AOPEP: variants seen among roughly 807,000 people sequenced by gnomAD.
AOPEP encodes aminopeptidase O.
Under a neutral mutation model 98.1 loss-of-function variants are expected in AOPEP, and 77 were observed. The observed-to-expected ratio is 0.78, with a 90% CI of 0.65 to 0.95. The LOEUF is 0.95. AOPEP is among the 40% of genes least tolerant of loss of function. The pLI, the probability that AOPEP is intolerant of heterozygous loss-of-function variation, is 0.00. For missense variants in AOPEP, 1,024 were observed against 1,024.7 expected (o/e 1.00, Z 0.01); for synonymous variants, 346 against 365.3 (o/e 0.95, Z 0.60).
chr9:95,145,624 C>T, the AOPEP span: 2 of 152,102 alleles, frequency 1.3e-5, no homozygotes, highest in African/African-American at 4.8e-5. Flanking sequence ...GGGAATGATC[C>T]TTATTTTGTA....
Position 94,923,978 on chromosome 9 carries a change from A to T in AOPEP, c.1365-8A>T. ...GACTCTGTGCATTTTCTCCCCCATTATCCACAGCCCACACATCATGTTCCT... is the reference window on the plus strand; with the variant it reads ...GACTCTGTGCATTTTCTCCCCCATTTTCCACAGCCCACACATCATGTTCCT... On this transcript the variant is annotated splice_region_variant and splice_polypyrimidine_tract_variant and intron_variant, in intron 5 of 16. Transcript: ENST00000375315. The T allele has an allele frequency of 7.2e-7, 1 of 1,396,784 alleles. No individual in the cohort carries two copies. The highest frequency in any genetic ancestry group is 2.9e-5 in the East Asian group (1 of 34,642). 86.5% of individuals were successfully genotyped at this position (1,396,784 alleles called of 1,614,324 possible).
chr9:94,817,414 C>T (rs372479357), intron 5 of AOPEP, among the ~76,000 whole-genome samples: 10 of 152,184 alleles, frequency 6.6e-5, no homozygotes, highest in Non-Finnish European at 1.2e-4. Flanking sequence ...CCAGTATTTA[C>T]GAAATGCTGC....
At chr9:94,908,090 C>T (rs184461734) in intron 5 of AOPEP, among the ~76,000 whole-genome samples, 42 of 152,306 alleles carry the variant, frequency 2.8e-4, no homozygotes, top group Admixed American at 2.5e-3. Context: ...GGTTGCTTAA[C>T]AGAGCAGAAG....
chr9:94,776,468 A>C, intron 3 of AOPEP, among the ~76,000 whole-genome samples: 1 of 152,100 alleles, frequency 6.6e-6, no homozygotes, highest in Non-Finnish European at 1.5e-5. Flanking sequence ...TGCCTGGCTA[A>C]TGTTTTGTAT....
intron 5 of AOPEP, among the ~76,000 whole-genome samples, chr9:94,803,031 C>T (rs145713225): frequency 9.9e-5 from 15 of 152,116 alleles, no homozygotes; most frequent in Middle Eastern, 3.4e-3. Context: ...TATTTATGGT[C>T]GAGACTTTGC....
intron 7 of AOPEP, among the ~76,000 whole-genome samples, chr9:94,946,501 C>T (rs1466671012): frequency 1.3e-5 from 2 of 152,128 alleles, no homozygotes; most frequent in African/African-American, 4.8e-5. Context: ...ATCCAGGTCT[C>T]ATTGCACTAA....
intron 5 of AOPEP, among the ~76,000 whole-genome samples, chr9:94,826,637 A>T (rs747488819): frequency 1.4e-4 from 22 of 152,212 alleles, no homozygotes; most frequent in Admixed American, 7.2e-4. Flanking sequence ...CATGCTAGAC[A>T]GATTTACCTT....
At chr9:95,108,655 T>C in the AOPEP span, among the ~76,000 whole-genome samples, 1 of 152,208 alleles carries the variant, frequency 6.6e-6, no homozygotes. Context: ...TTTTTTATCC[T>C]GCATTATAAA....
At chr9:94,867,851 G>A (rs895728809) in intron 5 of AOPEP, among the ~76,000 whole-genome samples, 1 of 152,204 alleles carries the variant, frequency 6.6e-6, no homozygotes, top group Non-Finnish European at 1.5e-5. Flanking sequence ...TCCCTGTAAC[G>A]AGGTAATTTA....
At chr9:95,005,947 C>G in intron 13 of AOPEP, 1 of 494,350 alleles carries the variant, frequency 2.0e-6, no homozygotes, top group Non-Finnish European at 4.0e-6. Context: ...AAAAGTGTTC[C>G]GAATAAATCG....
chr9:94,892,360 G>A (rs1359903890), intron 5 of AOPEP, among the ~76,000 whole-genome samples: 9 of 152,026 alleles, frequency 5.9e-5, no homozygotes, highest in Non-Finnish European at 1.2e-4. Flanking sequence ...TTTTCTCACT[G>A]TTGTTCAAAT....
At chr9:94,841,215 A>C (rs1437221804) in intron 5 of AOPEP, among the ~76,000 whole-genome samples, 1 of 139,644 alleles carries the variant, frequency 7.2e-6, no homozygotes, top group Non-Finnish European at 1.5e-5. Flanking sequence ...TCTGTCGCCC[A>C]GGCTAGATTG....
chr9:95,098,705 T>G, the AOPEP span, among the ~76,000 whole-genome samples: 1 of 152,222 alleles, frequency 6.6e-6, no homozygotes, highest in African/African-American at 2.4e-5. Flanking sequence ...GGGTGGGCTA[T>G]GCTGGTGGGA....
chr9:94,907,738 C>T (rs1171264724), intron 5 of AOPEP, among the ~76,000 whole-genome samples: 3 of 152,104 alleles, frequency 2.0e-5, no homozygotes, highest in South Asian at 4.1e-4. Context: ...GACTAGAATT[C>T]GAGGCATGTC....
chr9:94,787,807 T>C (rs1844765916), intron 3 of AOPEP, among the ~76,000 whole-genome samples: 2 of 152,174 alleles, frequency 1.3e-5, no homozygotes, highest in Admixed American at 1.3e-4. Flanking sequence ...CAAGCAGCAG[T>C]CCTTTGTAAT....
Position 94,760,405 on chromosome 9 carries a change from C to G in AOPEP, c.622C>G (p.Arg208Gly), listed in dbSNP as rs762960838. Residue 208 changes from arginine to glycine, a missense_variant, in exon 2 of 17, where the codon CGC becomes GGC. By Grantham distance (125) the Arg-to-Gly change is moderately radical (BLOSUM62 -2). Around this residue, in one of 3 missense-constraint regions of AOPEP, gnomAD observed 440 missense variants for 433.8 expected, o/e 1.01. Transcript: ENST00000375315. ...GAGGGAGCAGTTAGACTATTACGCT[C>G]GCTGCAGCCAGGCTCCTGGCTGTGG... ...RWREQLDYYARCSQAPGCGEL... is the reference protein window; with the variant it reads ...RWREQLDYYAGCSQAPGCGEL... 4 of 1,614,016 alleles carry G rather than the reference C, an allele frequency of 2.5e-6. No individual in the cohort carries two copies. The African/African-American group carries it at 4.0e-5, about 16-fold the overall frequency.
intron 5 of AOPEP, chr9:94,921,216 A>C (rs1281636691): frequency 6.6e-6 from 1 of 152,272 alleles, no homozygotes; most frequent in African/African-American, 2.4e-5. Flanking sequence ...GGGGAAAAAA[A>C]GAAACAGTTT....
At chr9:95,064,563 A>G (rs985336461) in intron 14 of AOPEP, among the ~76,000 whole-genome samples, 4 of 152,230 alleles carry the variant, frequency 2.6e-5, no homozygotes, top group African/African-American at 9.6e-5. Flanking sequence ...TGCTGGGATT[A>G]CAGGCGTGAG....
chr9:95,149,606 G>A, the AOPEP span, among the ~76,000 whole-genome samples: 1 of 151,892 alleles, frequency 6.6e-6, no homozygotes, highest in Admixed American at 6.6e-5. Flanking sequence ...AGCCCCCCTA[G>A]TAGCTGGGAT....
Sources: gnomAD v4.1 joint callset for allele counts (sites outside exome capture counted in the v4.1 genomes callset) on GRCh38, gnomAD v4.1.1 for gene constraint, gnomAD v4.1.1 regional missense constraint, MANE v1.5 for transcripts, NCBI Gene and HGNC (gene_info 2026-07-23, HGNC 2026-07-21) for gene names.